PHTF2: variants seen among roughly 807,000 people sequenced by gnomAD.
PHTF2 encodes putative homeodomain transcription factor 2, also known as protein PHTF2.
PHTF2 carries 60 observed loss-of-function variants against 101.2 expected under a neutral mutation model. That is an observed-to-expected ratio of 0.59 (90% confidence interval 0.48 to 0.73). PHTF2 has a LOEUF of 0.73. Ranked by LOEUF, PHTF2 falls within the 30% of genes least tolerant of loss-of-function variation. PHTF2 has a pLI of 0.00. For synonymous variants in PHTF2, 311 were observed against 307.3 expected (o/e 1.01, Z -0.13); for missense variants, 747 against 908.7 (o/e 0.82, Z 2.29).
chr7:77,898,860 G>A (rs1488397258), intron 5 of PHTF2, among the ~76,000 whole-genome samples: 1 of 152,088 alleles, frequency 6.6e-6, no homozygotes, highest in Non-Finnish European at 1.5e-5. Context: ...GTGCAATGGT[G>A]TGACCTTGGT....
At chr7:77,957,122 A>G (rs1360560580) in exon 20 of PHTF2, 2 of 152,226 alleles carry the variant, frequency 1.3e-5, no homozygotes, top group Non-Finnish European at 2.9e-5. Flanking sequence ...TGGCAGTTCA[A>G]AGAGAATTGT....
chr7:77,914,744 T>C (rs952099227), intron 9 of PHTF2, among the ~76,000 whole-genome samples: 1 of 152,152 alleles, frequency 6.6e-6, no homozygotes, highest in Non-Finnish European at 1.5e-5. Context: ...GTAATCAATT[T>C]TCAATATTCT....
chr7:77,953,669 C>A, intron 18 of PHTF2, 100 bp from the exon 18 acceptor site: 1 of 1,034,334 alleles, frequency 9.7e-7, no homozygotes, highest in Non-Finnish European at 1.4e-6. Context: ...TAATTGGTAA[C>A]TTTTTTGAAA....
intron 5 of PHTF2, among the ~76,000 whole-genome samples, chr7:77,894,410 T>C (rs888948820): frequency 3.9e-5 from 6 of 152,208 alleles, no homozygotes. Flanking sequence ...ACATTTTCTA[T>C]TTTGTATAGA....
At chr7:77,850,500 G>A (rs1352046629) in intron 2 of PHTF2, among the ~76,000 whole-genome samples, 1 of 151,284 alleles carries the variant, frequency 6.6e-6, no homozygotes, top group East Asian at 1.9e-4. Context: ...AAATAAGCCA[G>A]GCATGGTGGC....
intron 3 of PHTF2, among the ~76,000 whole-genome samples, chr7:77,883,046 A>G (rs951797390): frequency 1.3e-4 from 20 of 152,242 alleles, no homozygotes; most frequent in African/African-American, 4.6e-4. Flanking sequence ...GGGGTAGCAC[A>G]TAAATTGAGT....
chr7:77,800,343 T>C (rs1792436333), intron 1 of PHTF2, among the ~76,000 whole-genome samples: 2 of 152,116 alleles, frequency 1.3e-5, no homozygotes, highest in African/African-American at 4.8e-5. Flanking sequence ...GAAACAGTGG[T>C]TCCAGGAAAT....
At chr7:77,954,791 TATATG>T (rs1258850094) in intron 19 of PHTF2, 62 bp from the exon 19 acceptor site, 9 of 837,078 alleles carry the variant, frequency 1.1e-5, no homozygotes, top group South Asian at 1.6e-5. Context: ...AAAATGGTGT[TATATG>T]ATATAATTTA....
intron 1 of PHTF2, among the ~76,000 whole-genome samples, chr7:77,824,845 C>T (rs544836727): frequency 1.0e-4 from 15 of 149,550 alleles, no homozygotes; most frequent in Non-Finnish European, 1.9e-4. Flanking sequence ...CCAGCCTGGA[C>T]AACATAGCAA....
intron 1 of PHTF2, among the ~76,000 whole-genome samples, chr7:77,800,508 T>G (rs752261756): frequency 6.6e-6 from 1 of 152,208 alleles, no homozygotes; most frequent in Non-Finnish European, 1.5e-5. Context: ...TAAACAAGTA[T>G]AGTATACAAT....
At chr7:77,825,249 A>G (rs1021735317) in intron 1 of PHTF2, among the ~76,000 whole-genome samples, 2 of 152,212 alleles carry the variant, frequency 1.3e-5, no homozygotes, top group Non-Finnish European at 2.9e-5. Context: ...AAAGAATGAG[A>G]AGATACTAGT....
At chr7:77,836,024 A>G (rs1795432882) in intron 1 of PHTF2, among the ~76,000 whole-genome samples, 1 of 150,412 alleles carries the variant, frequency 6.6e-6, no homozygotes, top group East Asian at 2.0e-4. Flanking sequence ...AGGTTGAGGC[A>G]GGAGAATCGC....
chr7:77,918,245 G>T lies in PHTF2; in HGVS notation c.777-2034G>T, dbSNP rs564683986. Among the ~76,000 whole-genome samples the T allele has an allele frequency of 1.2e-3, 182 of 152,050 alleles. 1 individual carries two copies. Among genetic ancestry groups the T allele is most frequent in the African/African-American group, 4.3e-3 (177 of 41,476 alleles). On this transcript the variant is annotated intron_variant, in intron 9 of 19. Coordinates refer to ENST00000416283, the Ensembl canonical transcript of PHTF2. ...CCTTTTTTTTAACCCTATAGAGTCT[G>T]GTTCATTCTACACATTCCCAAATTT...
intron 3 of PHTF2, among the ~76,000 whole-genome samples, chr7:77,891,824 G>A (rs190039788): frequency 3.3e-5 from 5 of 151,918 alleles, no homozygotes; most frequent in African/African-American, 1.2e-4. Context: ...GGGCTCAAGC[G>A]ATTCTCCCAC....
chr7:77,877,306 G>C (rs1799032755), intron 3 of PHTF2, among the ~76,000 whole-genome samples: 1 of 151,836 alleles, frequency 6.6e-6, no homozygotes, highest in African/African-American at 2.4e-5. Context: ...GGGTTTCACT[G>C]TGTCGGTCAG....
chr7:77,910,199 T>TA, intron 8 of PHTF2, 46 bp from the exon 8 acceptor site: 1 of 1,544,714 alleles, frequency 6.5e-7, no homozygotes, highest in South Asian at 1.2e-5. Context: ...AAAGTGGTTA[T>TA]TAAAATATTA....
At chr7:77,825,910 T>C (rs1305157929) in intron 1 of PHTF2, among the ~76,000 whole-genome samples, 1 of 152,100 alleles carries the variant, frequency 6.6e-6, no homozygotes, top group Non-Finnish European at 1.5e-5. Context: ...ATAGCTGATA[T>C]CCCTAAAATA....
intron 2 of PHTF2, among the ~76,000 whole-genome samples, chr7:77,845,877 A>C (rs565805230): frequency 6.6e-6 from 1 of 152,210 alleles, no homozygotes; most frequent in Non-Finnish European, 1.5e-5. Flanking sequence ...ATTGGCTTTC[A>C]AGCTAAACCG....
At chr7:77,868,403 A>G (rs7803160) in intron 3 of PHTF2, among the ~76,000 whole-genome samples, 84,769 of 144,548 alleles carry the variant, frequency 0.59, 26,736 homozygotes, top group African/African-American at 0.85. Flanking sequence ...TCCCGGCTTC[A>G]AGCAATCCTC....
Sources: gnomAD v4.1 joint callset for allele counts (sites outside exome capture counted in the v4.1 genomes callset) on GRCh38, gnomAD v4.1.1 for gene constraint, MANE v1.5 for transcripts, NCBI Gene and HGNC (gene_info 2026-07-23, HGNC 2026-07-21) for gene names.